Variants in PRH1 observed in about 807,000 individuals in gnomAD.
PRH1 encodes the protein salivary acidic proline-rich phosphoprotein 1/2.
In PRH1, 7 loss-of-function variants were observed where a neutral mutation model predicts 7.9. That is an observed-to-expected ratio of 0.89 (90% confidence interval 0.50 to 1.67). PRH1 has a LOEUF of 1.67. Ranked by LOEUF, PRH1 falls within the 40% of genes most tolerant of loss-of-function variation. The pLI, the probability that PRH1 is intolerant of heterozygous loss-of-function variation, is 0.00. For synonymous variants in PRH1, 45 were observed against 80.8 expected, an observed-to-expected ratio of 0.56 and a Z score of 2.38; for missense variants, 109 against 223.6, an observed-to-expected ratio of 0.49 and a Z score of 3.27.
intron 2 of PRH1, among the ~76,000 whole-genome samples, chr12:10,936,646 T>C (rs1950293410): frequency 6.6e-6 from 1 of 152,162 alleles, no homozygotes; most frequent in Non-Finnish European, 1.5e-5. Flanking sequence ...TAGATTACTT[T>C]CCATATTCTA....
At chr12:11,053,069 G>A (rs1463444610) in intron 1 of PRH1, among the ~76,000 whole-genome samples, 1 of 152,290 alleles carries the variant, frequency 6.6e-6, no homozygotes. Flanking sequence ...AAGTTGATGT[G>A]AGTAGCTTTT....
At chr12:10,960,724 T>C (rs1938199771) in intron 2 of PRH1, among the ~76,000 whole-genome samples, 2 of 152,190 alleles carry the variant, frequency 1.3e-5, no homozygotes, top group East Asian at 1.9e-4. Context: ...TCCTTAAATA[T>C]AGTAAAATAG....
intron 1 of PRH1, among the ~76,000 whole-genome samples, chr12:10,987,410 T>C (rs900401122): frequency 1.3e-5 from 2 of 152,072 alleles, no homozygotes; most frequent in Admixed American, 1.3e-4. Flanking sequence ...TCCAAACTTT[T>C]AAATCAAAAT....
intron 2 of PRH1, chr12:10,938,820 C>T (rs1012499290): frequency 4.3e-6 from 7 of 1,613,312 alleles, no homozygotes; most frequent in African/African-American, 1.3e-5. Context: ...AGCACCAAAA[C>T]CACCTTTTTA....
intron 1 of PRH1, among the ~76,000 whole-genome samples, chr12:11,162,952 T>G (rs1947459641): frequency 6.6e-6 from 1 of 152,088 alleles, no homozygotes; most frequent in Non-Finnish European, 1.5e-5. Flanking sequence ...TAAAAAGAAA[T>G]GAGAAAGATT....
intron 1 of PRH1, among the ~76,000 whole-genome samples, chr12:11,112,849 G>A (rs558184469): frequency 6.0e-4 from 91 of 152,232 alleles, no homozygotes; most frequent in Non-Finnish European, 1.0e-3. Context: ...AGAAAGAAAG[G>A]AAGTCAAACT....
chr12:11,167,202 T>C (rs1397652232), intron 1 of PRH1, among the ~76,000 whole-genome samples: 1 of 152,226 alleles, frequency 6.6e-6, no homozygotes, highest in Non-Finnish European at 1.5e-5. Flanking sequence ...GTTTCCTGTC[T>C]GTCCTCAACC....
At chr12:10,899,479 A>G (rs4763223) in intron 2 of PRH1, among the ~76,000 whole-genome samples, 73,966 of 152,004 alleles carry the variant, frequency 0.49, 20,620 homozygotes, top group East Asian at 0.72. Context: ...ACCATTTTCA[A>G]TGTAGTGAGT....
chr12:10,883,740 C>T (rs931370517), intron 1 of PRH1, among the ~76,000 whole-genome samples: 4 of 152,206 alleles, frequency 2.6e-5, no homozygotes, highest in African/African-American at 7.2e-5. Context: ...TTCTCTGCCT[C>T]GGCAGTAGCT....
intron 1 of PRH1, among the ~76,000 whole-genome samples, chr12:11,018,222 C>G (rs965257218): frequency 1.3e-5 from 2 of 152,122 alleles, no homozygotes; most frequent in Non-Finnish European, 2.9e-5. Flanking sequence ...AGAACTATTC[C>G]CTCTTCAGTG....
chr12:11,050,794 A>G (rs1003279178), upstream of PRH1, among the ~76,000 whole-genome samples: 1 of 152,298 alleles, frequency 6.6e-6, no homozygotes, highest in Non-Finnish European at 1.5e-5. Flanking sequence ...ACAGGAAATT[A>G]GTAGACTTTA....
At chr12:10,929,356 A>C (rs1950169008) in intron 2 of PRH1, 1 of 1,614,092 alleles carries the variant, frequency 6.2e-7, no homozygotes, top group Non-Finnish European at 8.5e-7. Context: ...AATTGGGGGA[A>C]GATATTGTGA....
chr12:11,022,299 C>T (rs777564748), intron 1 of PRH1: 6 of 1,587,942 alleles, frequency 3.8e-6, no homozygotes, highest in Admixed American at 3.5e-5. Flanking sequence ...TGAAATGGTT[C>T]GTTACAGCCC....
intron 2 of PRH1, among the ~76,000 whole-genome samples, chr12:10,967,139 GA>G (rs1938546096): frequency 7.0e-6 from 1 of 142,086 alleles, no homozygotes; most frequent in East Asian, 2.1e-4. Flanking sequence ...AAAAAAAGTA[GA>G]AAAAAACCTT....
At chr12:10,923,431 C>T (rs541608405) in intron 2 of PRH1, among the ~76,000 whole-genome samples, 113 of 152,236 alleles carry the variant, frequency 7.4e-4, no homozygotes, top group Non-Finnish European at 8.5e-4. Flanking sequence ...GCCCAGCCTT[C>T]GATGAATTGT....
At chr12:11,029,750 G>C (rs535071051) in intron 1 of PRH1, among the ~76,000 whole-genome samples, 2 of 151,618 alleles carry the variant, frequency 1.3e-5, no homozygotes, top group African/African-American at 4.8e-5. Flanking sequence ...CCTCAGTACC[G>C]CTTATGGTAG....
intron 1 of PRH1, among the ~76,000 whole-genome samples, chr12:11,054,338 T>C (rs1448985474): frequency 6.6e-6 from 1 of 152,234 alleles, no homozygotes; most frequent in African/African-American, 2.4e-5. Flanking sequence ...ACAAATACTC[T>C]GTGCAATTAT....
chr12:10,972,644 GCAA>G, intron 2 of PRH1, among the ~76,000 whole-genome samples: 2 of 151,916 alleles, frequency 1.3e-5, no homozygotes, highest in East Asian at 3.9e-4. Flanking sequence ...TTTTTGTTCA[GCAA>G]CATCAGTTGT....
intron 2 of PRH1, among the ~76,000 whole-genome samples, chr12:10,948,883 G>A (rs551289899): frequency 6.6e-6 from 1 of 152,256 alleles, no homozygotes; most frequent in East Asian, 1.9e-4. Context: ...TTATGTTAGT[G>A]AGGCATTTTT....
Sources: allele counts gnomAD v4.1 joint callset (sites outside exome capture counted in the v4.1 genomes callset), GRCh38; gene constraint gnomAD v4.1.1; transcripts MANE v1.5; gene names NCBI Gene and HGNC (gene_info 2026-07-23, HGNC 2026-07-21).